OR2L13: variants seen among roughly 807,000 people sequenced by gnomAD.
OR2L13 encodes olfactory receptor 2L13.
A neutral mutation model predicts 15.3 loss-of-function variants in OR2L13; 14 were observed. The observed-to-expected ratio is 0.91, with a 90% CI of 0.60 to 1.43. The LOEUF (loss-of-function observed/expected upper bound fraction) is 1.43, where lower values mean the gene tolerates loss of function less well. Among genes scored for constraint, OR2L13 ranks in the 40% most tolerant of loss-of-function variants. The pLI, the probability that OR2L13 is intolerant of heterozygous loss-of-function variation, is 0.00. For missense variants in OR2L13, 367 were observed against 387.9 expected (o/e 0.95, Z 0.45); for synonymous variants, 152 against 142.9 (o/e 1.06, Z -0.45).
chr1:248,018,579 A>G, the OR2L13 span, among the ~76,000 whole-genome samples: 2 of 152,330 alleles, frequency 1.3e-5, no homozygotes, highest in South Asian at 4.1e-4. Flanking sequence ...GAATTTTCTT[A>G]AAATGTATTT....
chr1:248,087,445 TA>T, the OR2L13 span: 2 of 152,316 alleles, frequency 1.3e-5, no homozygotes, highest in Middle Eastern at 3.4e-3. Flanking sequence ...AATTTGAAAT[TA>T]CTACCTAAAA....
the OR2L13 span, among the ~76,000 whole-genome samples, chr1:248,079,543 C>T: frequency 6.6e-6 from 1 of 151,958 alleles, no homozygotes; most frequent in Non-Finnish European, 1.5e-5. Flanking sequence ...ATTATTCTAC[C>T]TAATATCAAA....
chr1:248,068,277 C>T, the OR2L13 span, among the ~76,000 whole-genome samples: 1 of 152,046 alleles, frequency 6.6e-6, no homozygotes, highest in East Asian at 1.9e-4. Flanking sequence ...CCTCACACGG[C>T]CGGGTACTCC....
chr1:248,071,043 A>G, the OR2L13 span, among the ~76,000 whole-genome samples: 1 of 152,142 alleles, frequency 6.6e-6, no homozygotes, highest in Non-Finnish European at 1.5e-5. Flanking sequence ...ATTCTACCAG[A>G]GGTACAAGGA....
chr1:247,959,894 C>T, the OR2L13 span, among the ~76,000 whole-genome samples: 1 of 151,652 alleles, frequency 6.6e-6, no homozygotes, highest in African/African-American at 2.4e-5. Context: ...CGAACTTCCT[C>T]CTTTAGCTCA....
At chr1:247,992,320 C>A in the OR2L13 span, among the ~76,000 whole-genome samples, 2 of 152,140 alleles carry the variant, frequency 1.3e-5, no homozygotes, top group Non-Finnish European at 2.9e-5. Context: ...TTTTTTAAGG[C>A]TTCCTGTCAA....
At chr1:248,054,532 G>A in the OR2L13 span, among the ~76,000 whole-genome samples, 8 of 151,904 alleles carry the variant, frequency 5.3e-5, no homozygotes, top group East Asian at 1.9e-4. Flanking sequence ...TGCTTTGGGC[G>A]GTATGGCCAT....
At chr1:248,028,095 C>T in the OR2L13 span, among the ~76,000 whole-genome samples, 18 of 137,002 alleles carry the variant, frequency 1.3e-4, no homozygotes, top group Non-Finnish European at 2.6e-4. Flanking sequence ...GAGCCGAGAT[C>T]ACGCCACTGC....
At chr1:247,976,380 A>G in the OR2L13 span, among the ~76,000 whole-genome samples, 1 of 152,182 alleles carries the variant, frequency 6.6e-6, no homozygotes, top group African/African-American at 2.4e-5. Flanking sequence ...GGTTGGGGTC[A>G]AATCCTCTGC....
chr1:248,026,604 C>A, the OR2L13 span, among the ~76,000 whole-genome samples: 5,449 of 152,208 alleles, frequency 0.036, 330 homozygotes, highest in African/African-American at 0.12. Flanking sequence ...GAAGTCAGGA[C>A]CCCGAATGGA....
chr1:248,046,231 A>G, the OR2L13 span, among the ~76,000 whole-genome samples: 1 of 151,996 alleles, frequency 6.6e-6, no homozygotes, highest in African/African-American at 2.4e-5. Context: ...TTCCAAATGA[A>G]AGGAAACAAT....
the OR2L13 span, among the ~76,000 whole-genome samples, chr1:248,068,205 C>A: frequency 7.2e-5 from 11 of 152,282 alleles, no homozygotes; most frequent in Middle Eastern, 3.4e-3. Flanking sequence ...CAAGTGGGTC[C>A]CTGACCCCTG....
At chr1:248,047,813 C>T in the OR2L13 span, among the ~76,000 whole-genome samples, 2 of 152,202 alleles carry the variant, frequency 1.3e-5, no homozygotes, top group African/African-American at 4.8e-5. Flanking sequence ...GTTGATGATG[C>T]TGGCAATGAT....
chr1:248,030,681 A>G, the OR2L13 span, among the ~76,000 whole-genome samples: 17 of 152,164 alleles, frequency 1.1e-4, 1 homozygote, highest in South Asian at 2.1e-3. Flanking sequence ...GCTGCTTCTT[A>G]CTTTGTGATC....
At chr1:248,038,241 C>T in the OR2L13 span, 2 of 1,500,150 alleles carry the variant, frequency 1.3e-6, no homozygotes, top group South Asian at 2.4e-5. Flanking sequence ...TTTTGTCTCC[C>T]TTCAGGATGG....
chr1:248,061,338 G>T, the OR2L13 span: 1 of 1,613,834 alleles, frequency 6.2e-7, no homozygotes, highest in Non-Finnish European at 8.5e-7. Flanking sequence ...CCTATGGCCG[G>T]GTTCTCCTTG....
upstream of OR2L13, among the ~76,000 whole-genome samples, chr1:248,091,167 A>G (rs892212538): frequency 3.9e-5 from 6 of 152,012 alleles, no homozygotes; most frequent in African/African-American, 1.4e-4. Flanking sequence ...AAATTTCTTT[A>G]TAGATTTTGG....
chr1:248,075,148 T>C, the OR2L13 span, among the ~76,000 whole-genome samples: 1 of 152,216 alleles, frequency 6.6e-6, no homozygotes, highest in Non-Finnish European at 1.5e-5. Flanking sequence ...TTGTGATAGT[T>C]TGCTGAGAAT....
chr1:247,994,354 T>A, the OR2L13 span, among the ~76,000 whole-genome samples: 38 of 152,068 alleles, frequency 2.5e-4, no homozygotes, highest in Middle Eastern at 3.4e-3. Context: ...CTGATATCGC[T>A]CCACTGCACT....
Sources: allele counts gnomAD v4.1 joint callset (sites outside exome capture counted in the v4.1 genomes callset), GRCh38; gene constraint gnomAD v4.1.1; transcripts MANE v1.5; gene names NCBI Gene and HGNC (gene_info 2026-07-23, HGNC 2026-07-21).